Variants in ADGRG4 observed in about 807,000 individuals in gnomAD.
ADGRG4 encodes the protein adhesion G protein-coupled receptor G4.
Under a neutral mutation model 126.2 loss-of-function variants are expected in ADGRG4, and 122 were observed. The observed-to-expected ratio is 0.97, with a 90% CI of 0.83 to 1.12. The LOEUF is 1.12. Ranked by LOEUF, ADGRG4 falls within the 50% of genes most tolerant of loss-of-function variation. ADGRG4 has a pLI of 0.00. For synonymous variants in ADGRG4, 943 were observed against 838.7 expected, an observed-to-expected ratio of 1.12 and a Z score of -2.15; for missense variants, 2,481 against 2,251.8, an observed-to-expected ratio of 1.10 and a Z score of -2.06.
chrX:136,361,231 A>T (rs941725440), intron 11 of ADGRG4, among the ~76,000 whole-genome samples: 5 of 105,077 alleles, frequency 4.8e-5, no homozygotes, highest in Non-Finnish European at 9.8e-5. Flanking sequence ...TTTATTATTT[A>T]AAAAAAAAAC....
intron 1 of ADGRG4, among the ~76,000 whole-genome samples, chrX:136,302,526 A>C (rs2074707885): frequency 8.9e-6 from 1 of 112,011 alleles, no homozygotes; most frequent in Non-Finnish European, 1.9e-5. Flanking sequence ...TACCTCCCCC[A>C]GCTGCAACAT....
At chrX:136,363,804 G>T (rs1202418854) in intron 13 of ADGRG4, among the ~76,000 whole-genome samples, 1 of 111,132 alleles carries the variant, frequency 9.0e-6, no homozygotes, top group Non-Finnish European at 1.9e-5. Context: ...ATTTTTGTTT[G>T]TTTTTGCTAC....
At chrX:136,342,432 C>T (rs1478973259) in intron 5 of ADGRG4, among the ~76,000 whole-genome samples, 5 of 111,622 alleles carry the variant, frequency 4.5e-5, no homozygotes, top group African/African-American at 1.3e-4. Context: ...TGTGGTCTAG[C>T]GAGGAAGACA....
Position 136,399,964 on chromosome X carries a change from T to C in ADGRG4, c.8423T>C (p.Val2808Ala), listed in dbSNP as rs759444204. ...SWLSSFQKVG[V>A]CITAAVALHY... ...TTGTCATCATTTCAGAAAGTGGGAGTTTGTATCACAGCTGCAGTGGCACTT... is the reference window on the plus strand; with the variant it reads ...TTGTCATCATTTCAGAAAGTGGGAGCTTGTATCACAGCTGCAGTGGCACTT... Residue 2808 changes from valine to alanine, a missense_variant, in exon 21 of 26, where the codon GTT (valine) becomes GCT (alanine). Physicochemically the swap from Val to Ala is moderately conservative, Grantham distance 64. Coordinates refer to ENST00000394143, the MANE Select transcript of ADGRG4 (RefSeq NM_153834.4). 6 of 1,209,469 alleles carry C rather than the reference T, an allele frequency of 5.0e-6. No individual in the cohort carries two copies. The highest frequency in any genetic ancestry group is 6.7e-6 in the Non-Finnish European group (6 of 894,836).
chrX:136,384,144 G>A (rs757367530), intron 15 of ADGRG4, among the ~76,000 whole-genome samples: 2 of 110,254 alleles, frequency 1.8e-5, no homozygotes, highest in East Asian at 5.7e-4. Context: ...CTCCTGACCT[G>A]AAGTGATCCA....
chrX:136,371,089 T>G (rs755711156), intron 13 of ADGRG4, among the ~76,000 whole-genome samples: 1 of 111,978 alleles, frequency 8.9e-6, no homozygotes, highest in East Asian at 2.8e-4. Context: ...ATTTCCCTGG[T>G]GCATTTGAAA....
chrX:136,327,984 A>T, intron 5 of ADGRG4, among the ~76,000 whole-genome samples: 1 of 111,615 alleles, frequency 9.0e-6, no homozygotes, highest in South Asian at 3.7e-4. Flanking sequence ...CCCAAAAGCA[A>T]TGATTGTTAA....
chrX:136,374,876 G>A (rs993607979), intron 15 of ADGRG4, among the ~76,000 whole-genome samples: 2 of 111,370 alleles, frequency 1.8e-5, no homozygotes, highest in African/African-American at 6.6e-5. Context: ...TTTTAAATGG[G>A]GTAGTTTTCT....
At position 136,346,162 on chromosome X, in the gene ADGRG4, T is replaced by C; in HGVS notation, c.2456T>C (p.Phe819Ser). The C allele has an allele frequency of 8.3e-7, 1 of 1,208,369 alleles. No individual in the cohort carries two copies. The change falls in exon 6 of 26, where the codon TTT becomes TCT. Residue 819 changes from phenylalanine (F) to serine (S), a missense_variant. Phe to Ser is a radical substitution (Grantham distance 155). Coordinates refer to ENST00000394143, the MANE Select transcript of ADGRG4 (RefSeq NM_153834.4). The part of the protein sequence containing the change: ...TQTEINGAIV[F>S]GGTTTPVPKS... ...ACAGAAATAAATGGTGCAATTGTAT[T>C]TGGAGGTACAACGACCCCTGTACCA...
Position 136,345,056 on chromosome X carries a change from A to G in ADGRG4, c.1350A>G (p.Thr450=), listed in dbSNP as rs2075004487. 9 of 1,211,153 alleles carry G rather than the reference A, an allele frequency of 7.4e-6. No homozygotes were observed. The highest frequency in any genetic ancestry group is 1.0e-5 in the Non-Finnish European group (9 of 894,910). The change falls in exon 6 of 26, where the codon ACA becomes ACG. Residue 450 remains threonine (T), a synonymous_variant. Coordinates refer to ENST00000394143, the MANE Select transcript of ADGRG4 (RefSeq NM_153834.4). The stretch of plus-strand genomic sequence containing the variant: ...CTGCCGGAACTGTACCTTGGTTTAC[A>G]GTGGAAAAGACTTCACCTGCATCTA... ...STAAGTVPWF[T]VEKTSPASTH... is the part of the protein sequence containing the mutation.
In ADGRG4 at chrX:136,346,551, A is replaced by C. The variant is rs2075018531; in HGVS notation, c.2845A>C (p.Ile949Leu). 3 of 1,208,500 alleles carry C rather than the reference A, an allele frequency of 2.5e-6. No homozygotes were observed. The African/African-American group carries it at 5.2e-5, about 21-fold the overall frequency. ...TTGGACTTCAGAGACATCTGAGGGA[A>C]TTTCAGCTGGATCTCCCACTTCTGG... is the stretch of plus-strand genomic sequence containing the variant. ...AHWTSETSEGISAGSPTSGST... is the reference protein window; with the variant it reads ...AHWTSETSEGLSAGSPTSGST... The change falls in exon 6 of 26, where the codon ATT becomes CTT. Residue 949 changes from isoleucine (I) to leucine (L), a missense_variant. By Grantham distance (5) the Ile-to-Leu change is conservative. Transcript: ENST00000394143.
intron 5 of ADGRG4, among the ~76,000 whole-genome samples, chrX:136,338,104 A>T (rs1051509216): frequency 3.7e-5 from 4 of 106,881 alleles, no homozygotes; most frequent in Non-Finnish European, 7.7e-5. Flanking sequence ...AAGTCCATCC[A>T]GCTCGTCTTA....
intron 8 of ADGRG4, among the ~76,000 whole-genome samples, chrX:136,353,701 T>C (rs1352665691): frequency 8.9e-6 from 1 of 112,443 alleles, no homozygotes; most frequent in Non-Finnish European, 1.9e-5. Context: ...CTGTGATTTA[T>C]ACAAAAATCA....
chrX:136,322,384 C>T (rs2074844370), intron 4 of ADGRG4, among the ~76,000 whole-genome samples: 1 of 111,468 alleles, frequency 9.0e-6, no homozygotes, highest in Non-Finnish European at 1.9e-5. Flanking sequence ...GGAAATAGTT[C>T]TCTTTTGATT....
At chrX:136,358,745 C>T in intron 10 of ADGRG4, among the ~76,000 whole-genome samples, 1 of 111,728 alleles carries the variant, frequency 9.0e-6, no homozygotes, top group South Asian at 3.8e-4. Flanking sequence ...CTCATACGGT[C>T]GTTGTGAGAA....
rs370867824 is a variant in ADGRG4, at chrX:136,369,638, G to A, written c.7397-1690G>A. 2.7e-5 allele frequency among the ~76,000 whole-genome samples: 3 copies of A among 112,413 alleles called. No individual in the cohort carries two copies. In the East Asian group the frequency reaches 8.3e-4, roughly 31 times the overall value. ...TTATTCCATTTTAAACAAAGTCTGA[G>A]CGATTTAATAAGAGCAGTAGAAAGG... On this transcript the variant is annotated intron_variant, in intron 13 of 25. Transcript: ENST00000394143.
chrX:136,302,469 CAG>C (rs1172014906), intron 1 of ADGRG4, among the ~76,000 whole-genome samples: 1 of 112,105 alleles, frequency 8.9e-6, no homozygotes, highest in African/African-American at 3.2e-5. Flanking sequence ...ACACCAATAA[CAG>C]ACAAACAGAG....
intron 25 of ADGRG4, among the ~76,000 whole-genome samples, chrX:136,415,332 G>T (rs1433727326): frequency 8.9e-6 from 1 of 111,903 alleles, no homozygotes; most frequent in African/African-American, 3.2e-5. Flanking sequence ...GGAAGGCTTT[G>T]GTTCAGGTTC....
intron 16 of ADGRG4, among the ~76,000 whole-genome samples, chrX:136,388,172 A>G (rs2075301778): frequency 8.9e-6 from 1 of 112,174 alleles, no homozygotes; most frequent in Non-Finnish European, 1.9e-5. Context: ...CTCCTGATGA[A>G]ATGATGTTTC....
Sources: gnomAD v4.1 joint callset for allele counts (sites outside exome capture counted in the v4.1 genomes callset) on GRCh38, gnomAD v4.1.1 for gene constraint, MANE v1.5 for transcripts, NCBI Gene and HGNC (gene_info 2026-07-23, HGNC 2026-07-21) for gene names.